The following LRFN5 variants were observed in gnomAD, a reference collection of about 807,000 sequenced individuals.
The protein encoded by LRFN5 is leucine-rich repeat and fibronectin type-III domain-containing protein 5.
In LRFN5, 24 loss-of-function variants were observed where a neutral mutation model predicts 45.6. The observed-to-expected ratio is 0.53, with a 90% confidence interval of 0.38 to 0.74. The LOEUF (loss-of-function observed/expected upper bound fraction) is 0.74, where lower values mean the gene tolerates loss of function less well. LRFN5 is among the 30% of genes least tolerant of loss of function. The pLI is 0.00. For missense variants in LRFN5, 776 were observed against 861.5 expected, an observed-to-expected ratio of 0.90 and a Z score of 1.24; for synonymous variants, 340 against 313.8, an observed-to-expected ratio of 1.08 and a Z score of -0.88.
intron 1 of LRFN5, among the ~76,000 whole-genome samples, chr14:41,610,683 A>AAAAAAAAAAAAAGG (rs1887720009): frequency 6.9e-6 from 1 of 144,660 alleles, no homozygotes; most frequent in Non-Finnish European, 1.5e-5. Flanking sequence ...AAAAAAAAAA[A>AAAAAAAAAAAAAGG]GTGTATTGCC....
intron 5 of LRFN5, among the ~76,000 whole-genome samples, chr14:41,902,073 T>A (rs1263417660): frequency 6.6e-6 from 1 of 151,992 alleles, no homozygotes; most frequent in African/African-American, 2.4e-5. Flanking sequence ...TTCACAGTTC[T>A]TAATTACATT....
rs188501780 is a variant in LRFN5 at position 41,652,580 on chromosome 14, G to T, written c.-197+44018G>T. Among the ~76,000 whole-genome samples, 525 of 152,164 alleles carry T rather than the reference G, an allele frequency of 3.5e-3. 1 individual carries two copies. Among genetic ancestry groups the T allele is most frequent in the Non-Finnish European group, 6.4e-3 (438 of 68,002 alleles). ...AAAATAGAAAAATATGACAAGGAGT[G>T]ACAGGCTGGTTTCTACTAGGACCAG... On this transcript the variant is annotated intron_variant, in intron 1 of 5. Coordinates refer to ENST00000298119, the MANE Select transcript of LRFN5 (RefSeq NM_152447.5).
intron 2 of LRFN5, among the ~76,000 whole-genome samples, chr14:41,863,057 A>G (rs1889722187): frequency 6.6e-6 from 1 of 151,464 alleles, no homozygotes; most frequent in African/African-American, 2.4e-5. Flanking sequence ...AGTGAGACGG[A>G]GTTTCACCGT....
chr14:41,813,920 G>A (rs1312282065), intron 2 of LRFN5, among the ~76,000 whole-genome samples: 1 of 152,130 alleles, frequency 6.6e-6, no homozygotes, highest in Non-Finnish European at 1.5e-5. Flanking sequence ...CAGTGATGAT[G>A]AGCTTTTTTT....
chr14:41,840,376 T>A (rs1283642854), intron 2 of LRFN5, among the ~76,000 whole-genome samples: 6 of 152,152 alleles, frequency 3.9e-5, no homozygotes, highest in South Asian at 2.1e-4. Context: ...GTGAAATGTA[T>A]TTTGTGGTTA....
intron 1 of LRFN5, among the ~76,000 whole-genome samples, chr14:41,765,671 A>G (rs1235542267): frequency 1.3e-5 from 2 of 152,206 alleles, no homozygotes; most frequent in East Asian, 3.8e-4. Context: ...ATATTTGTGT[A>G]TGTGGTATGT....
At chr14:41,663,598 G>A (rs1302248205) in intron 1 of LRFN5, among the ~76,000 whole-genome samples, 1 of 151,948 alleles carries the variant, frequency 6.6e-6, no homozygotes, top group Non-Finnish European at 1.5e-5. Flanking sequence ...ATTTTCCTCC[G>A]TGAAGACATT....
chr14:41,650,892 AGAGAGAGG>A (rs1250338580), intron 1 of LRFN5, among the ~76,000 whole-genome samples: 3 of 92,898 alleles, frequency 3.2e-5, no homozygotes, highest in East Asian at 3.8e-4. Context: ...AGAAAGAGAG[AGAGAGAGG>A]GAGGGAGGGA....
At chr14:41,632,615 T>A (rs1888583340) in intron 1 of LRFN5, among the ~76,000 whole-genome samples, 1 of 152,060 alleles carries the variant, frequency 6.6e-6, no homozygotes, top group African/African-American at 2.4e-5. Context: ...AAAACAAAAA[T>A]AAAAGTATGT....
At chr14:41,647,740 A>T (rs1350099041) in intron 1 of LRFN5, among the ~76,000 whole-genome samples, 1 of 152,156 alleles carries the variant, frequency 6.6e-6, no homozygotes, top group Admixed American at 6.6e-5. Context: ...ACATAAGAAG[A>T]GATGCCAACT....
intron 1 of LRFN5, among the ~76,000 whole-genome samples, chr14:41,644,955 G>A (rs1879745008): frequency 6.6e-6 from 1 of 152,132 alleles, no homozygotes; most frequent in Admixed American, 6.5e-5. Flanking sequence ...TCTAAAAGCA[G>A]CTGTCTAGTT....
intron 2 of LRFN5, among the ~76,000 whole-genome samples, chr14:41,819,013 A>T (rs1888020369): frequency 6.6e-6 from 1 of 152,104 alleles, no homozygotes; most frequent in Non-Finnish European, 1.5e-5. Context: ...TTTTTGAGTT[A>T]TTTTACTTAA....
intron 2 of LRFN5, among the ~76,000 whole-genome samples, chr14:41,854,331 T>C (rs1045101058): frequency 6.6e-6 from 1 of 151,414 alleles, no homozygotes; most frequent in East Asian, 1.9e-4. Flanking sequence ...TATTCCATGG[T>C]GTATATGTGC....
chr14:41,659,031 C>G (rs1158506828), intron 1 of LRFN5, among the ~76,000 whole-genome samples: 1 of 151,700 alleles, frequency 6.6e-6, no homozygotes, highest in Admixed American at 6.6e-5. Flanking sequence ...ACAACCAACT[C>G]TTTTTATATT....
chr14:41,808,435 CGAG>C (rs1215587192), intron 2 of LRFN5, among the ~76,000 whole-genome samples: 8 of 91,724 alleles, frequency 8.7e-5, no homozygotes, highest in Non-Finnish European at 1.5e-4. Context: ...AAGGAAGAAT[CGAG>C]GGAGGGAGGG....
intron 1 of LRFN5, among the ~76,000 whole-genome samples, chr14:41,674,160 C>T (rs1278054119): frequency 2.3e-5 from 3 of 130,974 alleles, no homozygotes; most frequent in South Asian, 2.6e-4. Context: ...CGGGCAGAGG[C>T]GCCCCTCACC....
At chr14:41,727,910 G>A (rs1884004683) in intron 1 of LRFN5, among the ~76,000 whole-genome samples, 1 of 152,030 alleles carries the variant, frequency 6.6e-6, no homozygotes, top group African/African-American at 2.4e-5. Flanking sequence ...GGTGGTAGAG[G>A]ATTACTAAAT....
chr14:41,902,326 T>C (rs1891127692), intron 5 of LRFN5, among the ~76,000 whole-genome samples: 1 of 151,894 alleles, frequency 6.6e-6, no homozygotes, highest in South Asian at 2.1e-4. Flanking sequence ...ATTTAGTCTG[T>C]ATTATTTGTA....
chr14:41,893,274 C>G (rs1890841747), intron 4 of LRFN5: 3 of 953,024 alleles, frequency 3.1e-6, no homozygotes, highest in African/African-American at 3.5e-5. Flanking sequence ...TAGAAATTTA[C>G]TGAAATTAAG....
Sources: gnomAD v4.1 joint callset for allele counts (sites outside exome capture counted in the v4.1 genomes callset) on GRCh38, gnomAD v4.1.1 for gene constraint, MANE v1.5 for transcripts, NCBI Gene and HGNC (gene_info 2026-07-23, HGNC 2026-07-21) for gene names.